The following GRIK4 variants were observed in gnomAD, a reference collection of about 807,000 sequenced individuals.
GRIK4 encodes the protein glutamate receptor ionotropic, kainate 4.
GRIK4 carries 40 observed loss-of-function variants against 104.9 expected under a neutral mutation model. The ratio of observed to expected loss-of-function variants is 0.38; its 90% CI spans 0.30 to 0.50. GRIK4 has a LOEUF of 0.50. GRIK4 is among the 20% of genes least tolerant of loss of function. The pLI is 0.93. For missense variants in GRIK4, 1,047 were observed against 1,308.1 expected, an observed-to-expected ratio of 0.80 and a Z score of 3.08; for synonymous variants, 485 against 524.9, an observed-to-expected ratio of 0.92 and a Z score of 1.04.
intron 11 of GRIK4, among the ~76,000 whole-genome samples, chr11:120,875,723 C>T (rs898775905): frequency 2.6e-5 from 4 of 152,138 alleles, no homozygotes; most frequent in Non-Finnish European, 4.4e-5. Context: ...CTCTCCTGGC[C>T]GCTCCCTGCC....
chr11:120,928,971 G>A (rs1242874065), intron 13 of GRIK4, among the ~76,000 whole-genome samples: 1 of 148,724 alleles, frequency 6.7e-6, no homozygotes, highest in African/African-American at 2.5e-5. Context: ...GTGTGTGTGT[G>A]TGTGTGTGTG....
chr11:120,902,972 C>T lies in GRIK4; in HGVS notation c.1273-2318C>T, dbSNP rs1942776438. On this transcript the variant is annotated intron_variant, in intron 12 of 20. Coordinates refer to ENST00000527524, the MANE Select transcript of GRIK4 (RefSeq NM_014619.5). This position sits in a 1 kb window ranked among gnomAD's most constrained non-coding sequence, Gnocchi z 4.5. The stretch of plus-strand genomic sequence containing the variant: ...GAGCTCCCGCTCCCTGACACATGAC[C>T]TTTGCCTTCTGGCTGCCCACTTCAT... Among the ~76,000 whole-genome samples, 1 of 152,148 alleles carries T rather than the reference C, an allele frequency of 6.6e-6. No individual in the cohort carries two copies. The highest frequency in any genetic ancestry group is 1.5e-5 in the Non-Finnish European group (1 of 68,026).
intron 1 of GRIK4, among the ~76,000 whole-genome samples, chr11:120,546,151 C>G (rs1262138552): frequency 6.6e-6 from 1 of 152,172 alleles, no homozygotes; most frequent in African/African-American, 2.4e-5. Flanking sequence ...GGGGGAACCC[C>G]TGTGTGGAGG....
In GRIK4 at chr11:120,986,007, C is replaced by A. The variant is rs1211911300; in HGVS notation, c.2618C>A (p.Pro873His). The A allele has an allele frequency of 3.3e-6, 5 of 1,529,146 alleles. No individual in the cohort carries two copies. Among genetic ancestry groups the A allele is most frequent in the Non-Finnish European group, 4.4e-6 (5 of 1,138,872 alleles). 94.7% of individuals were successfully genotyped at this position (1,529,146 alleles called of 1,614,324 possible). The part of the protein sequence containing the change: ...RRRAAVPPPR[P>H]PIPEERRPRG... ...CGCGCCGCAGTCCCGCCGCCCCGGC[C>A]CCCCATCCCCGAGGAGCGCCGACCG... Residue 873 changes from proline (P) to histidine (H), a missense_variant, in exon 21 of 21, where the codon CCC becomes CAC. Pro to His is a moderately conservative substitution (Grantham distance 77). Around this residue, in one of 3 missense-constraint regions of GRIK4, gnomAD observed 160 missense variants for 140.9 expected, o/e 1.14. Transcript: ENST00000527524.
At chr11:120,777,136 G>A (rs1420515560) in intron 3 of GRIK4, among the ~76,000 whole-genome samples, 1 of 152,112 alleles carries the variant, frequency 6.6e-6, no homozygotes, top group African/African-American at 2.4e-5. Context: ...AAACACCGAC[G>A]CGGGTTTCTT....
chr11:120,531,336 C>T (rs1195322244), intron 1 of GRIK4, among the ~76,000 whole-genome samples: 2 of 152,218 alleles, frequency 1.3e-5, no homozygotes, highest in African/African-American at 4.8e-5. Flanking sequence ...TTTCCTTCCC[C>T]ACATCCTCCT....
chr11:120,835,839 G>A (rs1408858301), intron 7 of GRIK4, among the ~76,000 whole-genome samples: 1 of 152,186 alleles, frequency 6.6e-6, no homozygotes, highest in Non-Finnish European at 1.5e-5. Flanking sequence ...AGGTTGGCTA[G>A]GGGTATTTAT....
intron 14 of GRIK4, among the ~76,000 whole-genome samples, chr11:120,945,676 C>T (rs912346402): frequency 2.0e-5 from 3 of 152,182 alleles, no homozygotes; most frequent in Admixed American, 1.3e-4. Flanking sequence ...CTGGCCTTTA[C>T]CCCTGTAGGT....
At chr11:120,731,611 G>GT (rs1294781537) in intron 3 of GRIK4, among the ~76,000 whole-genome samples, 20 of 151,976 alleles carry the variant, frequency 1.3e-4, no homozygotes, top group Non-Finnish European at 1.5e-5. Flanking sequence ...CCCTTTTCCT[G>GT]TTTTTTGGAA....
intron 15 of GRIK4, among the ~76,000 whole-genome samples, chr11:120,954,414 C>T (rs1406164182): frequency 1.3e-5 from 2 of 151,614 alleles, no homozygotes; most frequent in African/African-American, 2.4e-5. Context: ...GGAGCTAGCA[C>T]GCTGTCTGAC....
At chr11:120,803,340 C>T (rs1228147745) in intron 4 of GRIK4, among the ~76,000 whole-genome samples, 3 of 152,148 alleles carry the variant, frequency 2.0e-5, no homozygotes, top group Non-Finnish European at 4.4e-5. Flanking sequence ...CTAAGTCATC[C>T]TATCCTATCC....
intron 3 of GRIK4, among the ~76,000 whole-genome samples, chr11:120,715,671 A>G (rs1019351699): frequency 1.3e-5 from 2 of 152,034 alleles, no homozygotes; most frequent in African/African-American, 2.4e-5. Context: ...GGGATTCTCA[A>G]ATTCCTGTGG....
At chr11:120,924,957 T>C (rs1003053988) in intron 13 of GRIK4, among the ~76,000 whole-genome samples, 1 of 152,304 alleles carries the variant, frequency 6.6e-6, no homozygotes, top group Middle Eastern at 3.4e-3. Flanking sequence ...CACATACTGA[T>C]AGGAAATGAG....
At chr11:120,817,389 T>C (rs552341056) in intron 5 of GRIK4, among the ~76,000 whole-genome samples, 1 of 152,354 alleles carries the variant, frequency 6.6e-6, no homozygotes, top group South Asian at 2.1e-4. Context: ...CGCCTTTGTC[T>C]GGTTATGTTT....
intron 3 of GRIK4, among the ~76,000 whole-genome samples, chr11:120,800,564 A>G (rs1409888489): frequency 6.6e-6 from 1 of 152,146 alleles, no homozygotes; most frequent in Non-Finnish European, 1.5e-5. Flanking sequence ...GTATGCGTGG[A>G]CTTTGCTAGT....
intron 1 of GRIK4, among the ~76,000 whole-genome samples, chr11:120,615,883 C>T (rs190167174): frequency 7.3e-4 from 111 of 151,970 alleles, no homozygotes; most frequent in African/African-American, 2.1e-3. Flanking sequence ...CTGGGCCTAG[C>T]GTCCTCATCT....
intron 1 of GRIK4, among the ~76,000 whole-genome samples, chr11:120,557,299 C>T (rs559054073): frequency 1.1e-4 from 17 of 152,324 alleles, no homozygotes; most frequent in African/African-American, 3.1e-4. Flanking sequence ...TTCTGCTGCA[C>T]GCTCTAGGTC....
chr11:120,589,593 A>T (rs1369303241), intron 1 of GRIK4, among the ~76,000 whole-genome samples: 1 of 151,926 alleles, frequency 6.6e-6, no homozygotes, highest in Admixed American at 6.6e-5. Context: ...TCTGAACAAA[A>T]TCCTTCAGCC....
At chr11:120,568,532 T>C (rs1435173349) in intron 1 of GRIK4, among the ~76,000 whole-genome samples, 1 of 152,068 alleles carries the variant, frequency 6.6e-6, no homozygotes, top group Non-Finnish European at 1.5e-5. Flanking sequence ...GGACCATAAG[T>C]GCACACCACC....
Sources: gnomAD v4.1 joint callset for allele counts (sites outside exome capture counted in the v4.1 genomes callset) on GRCh38, gnomAD v4.1.1 for gene constraint, gnomAD v4.1.1 regional missense constraint, Gnocchi (gnomAD v3.1) non-coding constraint, MANE v1.5 for transcripts, NCBI Gene and HGNC (gene_info 2026-07-23, HGNC 2026-07-21) for gene names.